The following CTNNBL1 variants were observed in gnomAD, a reference collection of about 807,000 sequenced individuals.
CTNNBL1 encodes the protein beta-catenin-like protein 1.
Under a neutral mutation model 72.7 loss-of-function variants are expected in CTNNBL1, and 31 were observed. The observed-to-expected ratio is 0.43, with a 90% CI of 0.32 to 0.58. The LOEUF (loss-of-function observed/expected upper bound fraction) is 0.58, where lower values mean the gene tolerates loss of function less well. CTNNBL1 is among the 20% of genes least tolerant of loss of function. CTNNBL1 has a pLI of 0.08. For missense variants in CTNNBL1, 534 were observed against 725.1 expected, an observed-to-expected ratio of 0.74 and a Z score of 3.03; for synonymous variants, 240 against 267.3, an observed-to-expected ratio of 0.90 and a Z score of 1.00.
chr20:37,817,675 G>C (rs1207466036), intron 11 of CTNNBL1, among the ~76,000 whole-genome samples: 1 of 152,218 alleles, frequency 6.6e-6, no homozygotes, highest in African/African-American at 2.4e-5. Context: ...TTAAAATGCA[G>C]ATTGTGCTTC....
chr20:37,768,044 G>C lies in CTNNBL1; in HGVS notation c.750G>C (p.Lys250Asn). The C allele has an allele frequency of 6.2e-7, 1 of 1,613,654 alleles. No individual in the cohort carries two copies. The highest frequency in any genetic ancestry group is 8.5e-7 in the Non-Finnish European group (1 of 1,179,732). ...GLLQWLLKRL[K>N]AKMPFDANKL... ...TACAGTGGCTGTTGAAGAGGCTGAA[G>C]GTGAGTTTGGCTGTGGGGAACTGCA... is the stretch of plus-strand genomic sequence containing the variant. Residue 250 changes from lysine (K) to asparagine (N), a missense_variant and splice_region_variant, in exon 7 of 16, where the codon AAG becomes AAC. Lys to Asn is a moderately conservative substitution (Grantham distance 94, BLOSUM62 0). Coordinates refer to ENST00000361383, the MANE Select transcript of CTNNBL1 (RefSeq NM_030877.5).
intron 2 of CTNNBL1, among the ~76,000 whole-genome samples, chr20:37,735,688 A>C (rs938201602): frequency 6.6e-6 from 1 of 152,194 alleles, no homozygotes; most frequent in Non-Finnish European, 1.5e-5. Flanking sequence ...TAATCTAATA[A>C]ATGTGTCATG....
chr20:37,746,443 A>G, intron 3 of CTNNBL1, 25 bp from the exon 4 acceptor site: 1 of 1,606,402 alleles, frequency 6.2e-7, no homozygotes, highest in Non-Finnish European at 8.5e-7. Flanking sequence ...CTTTCCTTCT[A>G]ATGATGTCTT....
intron 4 of CTNNBL1, among the ~76,000 whole-genome samples, chr20:37,754,262 T>A (rs2073344903): frequency 6.6e-6 from 1 of 151,854 alleles, no homozygotes; most frequent in African/African-American, 2.4e-5. Context: ...AGACATCTTA[T>A]TTATGTATTT....
intron 10 of CTNNBL1, among the ~76,000 whole-genome samples, chr20:37,798,535 C>G (rs1221917044): frequency 6.6e-6 from 1 of 152,186 alleles, no homozygotes; most frequent in Non-Finnish European, 1.5e-5. Flanking sequence ...CTATTGATTT[C>G]TAAAAGCCTG....
chr20:37,846,608 CTGTT>C lies in CTNNBL1; in HGVS notation c.1392+4193_1392+4196del, dbSNP rs1287762283. 3.9e-5 allele frequency among the ~76,000 whole-genome samples: 6 copies of C among 152,212 alleles called. No individual in the cohort carries two copies. The South Asian group carries it at 1.2e-3, about 32-fold the overall frequency. ...TTTAGCTTTCTTTTCTCTACAAGGA[CTGTT>C]TGTGTCCCCCTGCCCCGCCCCCGCA... is the stretch of plus-strand genomic sequence containing the variant. On this transcript the variant is annotated intron_variant, in intron 13 of 15. Transcript: ENST00000361383.
chr20:37,795,659 A>G (rs1339792684), intron 10 of CTNNBL1, among the ~76,000 whole-genome samples: 3 of 152,036 alleles, frequency 2.0e-5, no homozygotes, highest in Non-Finnish European at 4.4e-5. Context: ...GTAGCTGCTC[A>G]GTTTGGTCTT....
intron 1 of CTNNBL1, among the ~76,000 whole-genome samples, chr20:37,709,031 G>T (rs557072643): frequency 6.6e-6 from 1 of 152,162 alleles, no homozygotes; most frequent in South Asian, 2.1e-4. Context: ...CAGCTACTCA[G>T]GAGGCTGAGA....
rs987098572 is a variant in CTNNBL1, at chr20:37,846,122, G to A, written c.1392+3703G>A. On this transcript the variant is annotated intron_variant, in intron 13 of 15. Transcript: ENST00000361383. The stretch of plus-strand genomic sequence containing the variant: ...AAAGAATGGGCCTAGGGGTGGTGCC[G>A]CAGACAAGGGCTGGAGGATCCGGGG... Among the ~76,000 whole-genome samples the A allele has an allele frequency of 5.2e-4, 79 of 151,812 alleles. 2 individuals are homozygous for A. Among genetic ancestry groups the A allele is most frequent in the African/African-American group, 1.8e-3 (75 of 41,092 alleles).
chr20:37,831,087 T>C (rs2072205160), intron 11 of CTNNBL1, among the ~76,000 whole-genome samples: 1 of 152,206 alleles, frequency 6.6e-6, no homozygotes, highest in Non-Finnish European at 1.5e-5. Flanking sequence ...GTCCACCAAC[T>C]TTACCACTGA....
At chr20:37,856,692 A>G (rs2072444869) in intron 13 of CTNNBL1, among the ~76,000 whole-genome samples, 1 of 152,028 alleles carries the variant, frequency 6.6e-6, no homozygotes, top group Non-Finnish European at 1.5e-5. Flanking sequence ...CTGAAACCTT[A>G]CCCAAAAGTC....
intron 11 of CTNNBL1, among the ~76,000 whole-genome samples, chr20:37,818,245 C>G (rs1024179569): frequency 1.3e-5 from 2 of 152,142 alleles, no homozygotes; most frequent in Non-Finnish European, 2.9e-5. Flanking sequence ...TCAGACCCAC[C>G]CTAGAGGCAC....
chr20:37,709,925 A>T (rs1371195703), intron 1 of CTNNBL1, among the ~76,000 whole-genome samples: 3 of 152,208 alleles, frequency 2.0e-5, no homozygotes, highest in African/African-American at 4.8e-5. Flanking sequence ...TGGCAAGACG[A>T]TCTATTCCAG....
intron 4 of CTNNBL1, among the ~76,000 whole-genome samples, chr20:37,748,237 T>G (rs2073285735): frequency 6.6e-6 from 1 of 152,212 alleles, no homozygotes; most frequent in Non-Finnish European, 1.5e-5. Flanking sequence ...ATAATTCTCA[T>G]AGAAATAAAT....
intron 10 of CTNNBL1, among the ~76,000 whole-genome samples, chr20:37,794,476 C>T (rs911850522): frequency 6.6e-6 from 1 of 152,074 alleles, no homozygotes; most frequent in Admixed American, 6.6e-5. Flanking sequence ...ACCACCACCC[C>T]TGGCTATTTG....
At position 37,706,727 on chromosome 20, in the gene CTNNBL1, G is replaced by A. The variant is rs140716157; in HGVS notation, c.30+12575G>A. On this transcript the variant is annotated intron_variant, in intron 1 of 15. Transcript: ENST00000361383. ...CCTCCCATGAATTATGAATGTTCTTGATGGCATCTAGAATGATAAATCTTT... is the reference window on the plus strand; with the variant it reads ...CCTCCCATGAATTATGAATGTTCTTAATGGCATCTAGAATGATAAATCTTT... 4.3e-4 allele frequency among the ~76,000 whole-genome samples: 65 copies of A among 152,266 alleles called. 1 individual carries two copies. In the East Asian group the frequency reaches 0.012, roughly 29 times the overall value.
intron 9 of CTNNBL1, 59 bp downstream of exon 9, chr20:37,777,771 G>A: frequency 1.3e-6 from 2 of 1,537,412 alleles, no homozygotes; most frequent in East Asian, 2.2e-5. Flanking sequence ...TTGAATGGGA[G>A]GTGGAGCTGG....
intron 13 of CTNNBL1, among the ~76,000 whole-genome samples, chr20:37,858,857 C>T (rs766322083): frequency 5.9e-5 from 9 of 151,900 alleles, no homozygotes; most frequent in African/African-American, 1.2e-4. Context: ...GAGTGTTGGA[C>T]GTGTGAAATG....
intron 15 of CTNNBL1, among the ~76,000 whole-genome samples, chr20:37,862,964 C>G (rs1392932136): frequency 2.6e-5 from 4 of 152,158 alleles, no homozygotes; most frequent in Non-Finnish European, 2.9e-5. Flanking sequence ...CTCCTTTTGT[C>G]TGTCTCATAC....
Sources: gnomAD v4.1 joint callset for allele counts (sites outside exome capture counted in the v4.1 genomes callset) on GRCh38, gnomAD v4.1.1 for gene constraint, MANE v1.5 for transcripts, NCBI Gene and HGNC (gene_info 2026-07-23, HGNC 2026-07-21) for gene names.